Variants in XKR4 observed in about 807,000 individuals in gnomAD.
The protein encoded by XKR4 is XK-related protein 4.
XKR4 carries 12 observed loss-of-function variants against 53.9 expected under a neutral mutation model. The ratio of observed to expected loss-of-function variants is 0.22; its 90% CI spans 0.14 to 0.36. The LOEUF (loss-of-function observed/expected upper bound fraction) is 0.36. XKR4 is among the 10% of genes least tolerant of loss of function. The pLI, the probability that XKR4 is intolerant of heterozygous loss-of-function variation, is 1.00. For missense variants in XKR4, 799 were observed against 859.5 expected (o/e 0.93, Z 0.88); for synonymous variants, 354 against 362.4 (o/e 0.98, Z 0.26).
intron 2 of XKR4, chr8:55,455,250 G>T (rs962162666): frequency 2.8e-5 from 5 of 180,740 alleles, no homozygotes; most frequent in Non-Finnish European, 5.7e-5. Flanking sequence ...TCGCTCCGCG[G>T]CGGCCGCAGC....
intron 1 of XKR4, among the ~76,000 whole-genome samples, chr8:55,287,513 C>A (rs1012526815): frequency 1.3e-5 from 2 of 152,166 alleles, no homozygotes; most frequent in African/African-American, 4.8e-5. Flanking sequence ...GCCAGGGAAC[C>A]CAGAGCAAAA....
At chr8:55,349,667 T>C (rs565366127) in intron 1 of XKR4, among the ~76,000 whole-genome samples, 2 of 152,290 alleles carry the variant, frequency 1.3e-5, no homozygotes, top group East Asian at 3.9e-4. Context: ...TACAAGAGGC[T>C]AATACACACC....
At chr8:55,457,451 A>AT (rs1478426671) in intron 2 of XKR4, among the ~76,000 whole-genome samples, 1 of 152,178 alleles carries the variant, frequency 6.6e-6, no homozygotes, top group African/African-American at 2.4e-5. Context: ...TTTGCTGAAT[A>AT]TTTTTAACTG....
chr8:55,223,390 T>C (rs1442197571), intron 1 of XKR4, among the ~76,000 whole-genome samples: 1 of 152,230 alleles, frequency 6.6e-6, no homozygotes, highest in African/African-American at 2.4e-5. Flanking sequence ...CAGTAATATA[T>C]GGGACACTGT....
At chr8:55,144,955 C>G (rs1444170494) in intron 1 of XKR4, among the ~76,000 whole-genome samples, 3 of 152,044 alleles carry the variant, frequency 2.0e-5, no homozygotes, top group Non-Finnish European at 4.4e-5. Flanking sequence ...CCTCAGCCTC[C>G]CAAGTAGCTG....
chr8:55,475,048 A>G (rs1159328167), intron 2 of XKR4, among the ~76,000 whole-genome samples: 2 of 152,168 alleles, frequency 1.3e-5, no homozygotes, highest in Non-Finnish European at 2.9e-5. Flanking sequence ...ACTAAAAACA[A>G]TAACCTAAGA....
chr8:55,386,713 A>G (rs953487575), intron 2 of XKR4, among the ~76,000 whole-genome samples: 3 of 152,228 alleles, frequency 2.0e-5, no homozygotes, highest in African/African-American at 7.2e-5. Flanking sequence ...GGATCCCTGC[A>G]TTGTACAATG....
chr8:55,217,839 C>CAT (rs1166410217), intron 1 of XKR4, among the ~76,000 whole-genome samples: 1 of 152,074 alleles, frequency 6.6e-6, no homozygotes, highest in African/African-American at 2.4e-5. Flanking sequence ...GCAATAAAAT[C>CAT]ATAAATATGA....
At chr8:55,354,883 G>T (rs1322316337) in intron 1 of XKR4, among the ~76,000 whole-genome samples, 1 of 151,408 alleles carries the variant, frequency 6.6e-6, no homozygotes, top group Non-Finnish European at 1.5e-5. Context: ...AAGGATGATG[G>T]ATAGGACTCA....
chr8:55,240,958 C>G (rs1284470527), intron 1 of XKR4, among the ~76,000 whole-genome samples: 3 of 152,144 alleles, frequency 2.0e-5, no homozygotes, highest in Non-Finnish European at 4.4e-5. Context: ...GACTACTTGG[C>G]CCTGTCTTAT....
chr8:55,427,383 A>T (rs6987484), intron 2 of XKR4, among the ~76,000 whole-genome samples: 15,880 of 152,012 alleles, frequency 0.1, 1,998 homozygotes, highest in African/African-American at 0.3. Context: ...TTTAAAAAAA[A>T]TTTTTTTAAT....
intron 2 of XKR4, among the ~76,000 whole-genome samples, chr8:55,458,226 G>C (rs1805599192): frequency 6.6e-6 from 1 of 152,234 alleles, no homozygotes. Context: ...TTTGAAATGA[G>C]ATAGTTCCCT....
At chr8:55,454,494 A>G (rs945036453) in intron 2 of XKR4, 11 of 1,216,054 alleles carry the variant, frequency 9.0e-6, no homozygotes, top group Non-Finnish European at 1.1e-5. Flanking sequence ...CAGACCAAAG[A>G]CAGTACGTTG....
intron 2 of XKR4, chr8:55,449,896 T>C: frequency 2.2e-6 from 2 of 898,196 alleles, no homozygotes; most frequent in Non-Finnish European, 3.7e-6. Flanking sequence ...GCAGGCAGCC[T>C]GGCGGGAGCC....
chr8:55,396,502 G>A (rs1034224164), intron 2 of XKR4, among the ~76,000 whole-genome samples: 11 of 145,872 alleles, frequency 7.5e-5, no homozygotes, highest in Admixed American at 6.3e-4. Flanking sequence ...GGGAAGAGAG[G>A]AATGTCACCA....
intron 2 of XKR4, among the ~76,000 whole-genome samples, chr8:55,504,657 A>T (rs746971128): frequency 6.6e-6 from 1 of 152,072 alleles, no homozygotes; most frequent in African/African-American, 2.4e-5. Flanking sequence ...ATATTTGGTA[A>T]AATTTACCAG....
chr8:55,438,590 G>GCAAAAAAA lies in XKR4; in HGVS notation c.1006+80713_1006+80714insCAAAAAAA, dbSNP rs1554525578. On this transcript the variant is annotated intron_variant, in intron 2 of 2. Coordinates refer to ENST00000327381, the MANE Select transcript of XKR4 (RefSeq NM_052898.2). ...AGGTGACAGAGCAAGACTCCATCTT[G>GCAAAAAAA]AAAAAAAAAAAAAAAAAGAGAGAGA... is the stretch of plus-strand genomic sequence containing the variant. Among the ~76,000 whole-genome samples, 2 of 100,382 alleles carry GCAAAAAAA rather than the reference G, an allele frequency of 2.0e-5. 1 individual carries two copies. 65.9% of individuals were successfully genotyped at this position (100,382 alleles called of 152,430 possible). A position where few individuals can be genotyped will look rare whatever the true frequency, so the allele number is the denominator to read the frequency against.
intron 2 of XKR4, chr8:55,450,117 G>C (rs185435505): frequency 2.6e-5 from 18 of 700,206 alleles, no homozygotes; most frequent in South Asian, 1.6e-4. Flanking sequence ...AGCGCTTAGC[G>C]GGTCGGCTCA....
intron 2 of XKR4, among the ~76,000 whole-genome samples, chr8:55,392,941 C>T (rs960560317): frequency 6.6e-6 from 1 of 152,028 alleles, no homozygotes; most frequent in Non-Finnish European, 1.5e-5. Flanking sequence ...ATTTATCTTG[C>T]CTTTCCTGTA....
Sources: allele counts gnomAD v4.1 joint callset (sites outside exome capture counted in the v4.1 genomes callset), GRCh38; gene constraint gnomAD v4.1.1; transcripts MANE v1.5; gene names NCBI Gene and HGNC (gene_info 2026-07-23, HGNC 2026-07-21).